CAMK2D: variants seen among roughly 807,000 people sequenced by gnomAD.
CAMK2D encodes calcium/calmodulin-dependent protein kinase type II subunit delta.
CAMK2D carries 37 observed loss-of-function variants against 84.0 expected under a neutral mutation model. The observed-to-expected ratio is 0.44, with a 90% CI of 0.34 to 0.58. The LOEUF is 0.58. CAMK2D is among the 20% of genes least tolerant of loss of function. The pLI, the probability that CAMK2D is intolerant of heterozygous loss-of-function variation, is 0.02. For synonymous variants in CAMK2D, 202 were observed against 212.5 expected, an observed-to-expected ratio of 0.95 and a Z score of 0.43; for missense variants, 448 against 652.5, an observed-to-expected ratio of 0.69 and a Z score of 3.41.
Position 113,735,189 on chromosome 4 carries a change from C to T in CAMK2D, c.160+24131G>A, listed in dbSNP as rs565113150. Reference sequence around the variant, plus strand: ...TGTACAGGCAAGGTGTGGTGGCTCACGCCTGTAATCCTAGCACTTTGGGAG... The same window carrying T: ...TGTACAGGCAAGGTGTGGTGGCTCATGCCTGTAATCCTAGCACTTTGGGAG... On this transcript the variant is annotated intron_variant, in intron 2 of 20. Coordinates refer to ENST00000511664, the MANE Select transcript of CAMK2D (RefSeq NM_001321571.2). Among the ~76,000 whole-genome samples, 11 of 148,776 alleles carry T rather than the reference C, an allele frequency of 7.4e-5. No homozygotes were observed. In the East Asian group the frequency reaches 7.9e-4, roughly 11 times the overall value.
chr4:113,548,638 A>G (rs773982497), intron 5 of CAMK2D: 4 of 1,261,984 alleles, frequency 3.2e-6, no homozygotes, highest in Non-Finnish European at 4.6e-6. Flanking sequence ...ATTCAGATTT[A>G]TGGACTCCAT....
chr4:113,588,485 C>G (rs775483025), intron 4 of CAMK2D, among the ~76,000 whole-genome samples: 1 of 152,096 alleles, frequency 6.6e-6, no homozygotes, highest in Non-Finnish European at 1.5e-5. Flanking sequence ...TCATTTTGCT[C>G]AAAAGCAGAT....
At chr4:113,533,739 A>G (rs1220836696) in intron 7 of CAMK2D, among the ~76,000 whole-genome samples, 1 of 151,956 alleles carries the variant, frequency 6.6e-6, no homozygotes, top group Non-Finnish European at 1.5e-5. Context: ...GAAACAGAAT[A>G]TATTTGAATA....
At chr4:113,544,152 C>T (rs190798425) in intron 6 of CAMK2D, among the ~76,000 whole-genome samples, 1 of 152,222 alleles carries the variant, frequency 6.6e-6, no homozygotes, top group East Asian at 1.9e-4. Context: ...TGCTACCTTA[C>T]TGATTTTCTA....
rs75070532 is a variant in CAMK2D, at chr4:113,453,381, C to G, written c.*1164G>C. ...GGAGGTGAGTGCGTTTGCATAAAAC[C>G]CCCTCTGCTATCAAGTTGGTATCCT... On this transcript the variant is annotated 3_prime_UTR_variant, in exon 21 of 21. Coordinates refer to ENST00000511664, the MANE Select transcript of CAMK2D (RefSeq NM_001321571.2). 1.3e-5 allele frequency: 2 copies of G among 152,128 alleles called. No individual in the cohort carries two copies. 9.4% of individuals were successfully genotyped at this position (152,128 alleles called of 1,614,324 possible).
chr4:113,639,842 T>A (rs1263389486), intron 3 of CAMK2D, among the ~76,000 whole-genome samples: 1 of 139,116 alleles, frequency 7.2e-6, no homozygotes, highest in Non-Finnish European at 1.5e-5. Context: ...GAATTTAGCC[T>A]GATAAATTAG....
chr4:113,715,949 G>C (rs1030817444), intron 2 of CAMK2D, among the ~76,000 whole-genome samples: 1 of 152,078 alleles, frequency 6.6e-6, no homozygotes, highest in African/African-American at 2.4e-5. Context: ...CAGAAACAGA[G>C]AAAAAGCCAT....
At chr4:113,739,610 T>C (rs910678691) in intron 2 of CAMK2D, among the ~76,000 whole-genome samples, 2 of 152,192 alleles carry the variant, frequency 1.3e-5, no homozygotes, top group Non-Finnish European at 2.9e-5. Flanking sequence ...AGTAAAGAGA[T>C]CATTCAATAA....
At chr4:113,583,608 T>C (rs2098820689) in intron 4 of CAMK2D, among the ~76,000 whole-genome samples, 1 of 152,174 alleles carries the variant, frequency 6.6e-6, no homozygotes, top group African/African-American at 2.4e-5. Flanking sequence ...CTAGTAATGC[T>C]GCCAGCAGGA....
At chr4:113,554,331 CA>C (rs1255653303) in intron 4 of CAMK2D, among the ~76,000 whole-genome samples, 1 of 151,884 alleles carries the variant, frequency 6.6e-6, no homozygotes, top group Non-Finnish European at 1.5e-5. Flanking sequence ...ATACAAATAC[CA>C]AAGTTTAGCT....
At chr4:113,760,911 C>A (rs1477486872) in intron 1 of CAMK2D, 93 bp downstream of exon 1, 1 of 1,532,014 alleles carries the variant, frequency 6.5e-7, no homozygotes, top group African/African-American at 1.4e-5. Context: ...TCCCAAACTC[C>A]CTCGCCCCAA....
chr4:113,493,762 C>T (rs1344684782), intron 16 of CAMK2D, among the ~76,000 whole-genome samples: 2 of 151,776 alleles, frequency 1.3e-5, no homozygotes, highest in Non-Finnish European at 2.9e-5. Context: ...CCATTCTCCC[C>T]ATCACTTTCA....
At chr4:113,495,741 T>C (rs1226367942) in intron 16 of CAMK2D, among the ~76,000 whole-genome samples, 3 of 151,984 alleles carry the variant, frequency 2.0e-5, no homozygotes, top group Non-Finnish European at 4.4e-5. Context: ...AAGGATGAAG[T>C]CTCCACACAC....
Position 113,455,777 on chromosome 4 carries a change from G to A in CAMK2D, c.1580C>T (p.Thr527Ile), listed in dbSNP as rs35765784. Residue 527 changes from threonine to isoleucine, a missense_variant, in exon 20 of 21, where the codon ACC becomes ATC. Transcript: ENST00000511664. Reference protein sequence around the residue: ...PNGKENFSGGTSLWQNI With the variant: ...PNGKENFSGGISLWQNI Reference sequence around the variant, plus strand: ...GCCTTAGATGTTTTGCCACAAAGAGGTGCCTCCTGAGAAGTTTTCTTTCCC... The same window carrying A: ...GCCTTAGATGTTTTGCCACAAAGAGATGCCTCCTGAGAAGTTTTCTTTCCC... 3.3e-3 allele frequency: 5,281 copies of A among 1,612,418 alleles called. 129 individuals are homozygous for A. The East Asian group carries it at 0.064, about 19-fold the overall frequency.
At chr4:113,725,836 T>C (rs2099544201) in intron 2 of CAMK2D, among the ~76,000 whole-genome samples, 1 of 152,192 alleles carries the variant, frequency 6.6e-6, no homozygotes, top group African/African-American at 2.4e-5. Flanking sequence ...GACACTAAAT[T>C]TGGAGATATA....
intron 4 of CAMK2D, among the ~76,000 whole-genome samples, chr4:113,584,444 G>T (rs998195590): frequency 2.0e-5 from 3 of 152,182 alleles, no homozygotes; most frequent in Non-Finnish European, 2.9e-5. Flanking sequence ...GGACAGCCAG[G>T]CCTTCTTGGT....
chr4:113,524,816 G>A (rs2098404358), intron 8 of CAMK2D, among the ~76,000 whole-genome samples: 1 of 152,172 alleles, frequency 6.6e-6, no homozygotes, highest in African/African-American at 2.4e-5. Context: ...CATAGTAAAT[G>A]TAGAGAAATT....
At chr4:113,657,199 C>A (rs2099205189) in intron 3 of CAMK2D, among the ~76,000 whole-genome samples, 1 of 152,146 alleles carries the variant, frequency 6.6e-6, no homozygotes, top group African/African-American at 2.4e-5. Context: ...TCTGTATCGG[C>A]TTTAACTGGT....
intron 3 of CAMK2D, among the ~76,000 whole-genome samples, chr4:113,621,330 TAAAGAAG>T: frequency 6.6e-6 from 1 of 152,166 alleles, no homozygotes; most frequent in Non-Finnish European, 1.5e-5. Context: ...AAAAAATGAA[TAAAGAAG>T]ATACATTTTA....
Sources: gnomAD v4.1 joint callset for allele counts (sites outside exome capture counted in the v4.1 genomes callset) on GRCh38, gnomAD v4.1.1 for gene constraint, MANE v1.5 for transcripts, NCBI Gene and HGNC (gene_info 2026-07-23, HGNC 2026-07-21) for gene names.